BCOR: variants seen among roughly 807,000 people sequenced by gnomAD.
BCOR encodes the protein BCL6 corepressor.
BCOR carries 10 observed loss-of-function variants against 86.7 expected under a neutral mutation model. That is an observed-to-expected ratio of 0.12 (90% CI 0.07 to 0.20). BCOR has a LOEUF of 0.20. Ranked by LOEUF, BCOR falls within the 10% of genes least tolerant of loss-of-function variation. The pLI is 1.00. For synonymous variants in BCOR, 611 were observed against 609.0 expected, an observed-to-expected ratio of 1.00 and a Z score of -0.05; for missense variants, 1,259 against 1,452.1, an observed-to-expected ratio of 0.87 and a Z score of 2.16.
At chrX:40,175,013 C>A (rs1331096176) in intron 1 of BCOR, among the ~76,000 whole-genome samples, 1 of 113,368 alleles carries the variant, frequency 8.8e-6, no homozygotes, top group Non-Finnish European at 1.9e-5. Flanking sequence ...AAGGGGCAGG[C>A]GGCCCTCATG....
At position 40,071,180 on chromosome X, in the gene BCOR, G is replaced by GA. The variant is rs374448325; in HGVS notation, c.3052-22dup. On this transcript the variant is annotated intron_variant, in intron 5 of 14. Transcript: ENST00000378444. ...GCACGCTAGAAAGAGAACGGAGATG[G>GA]AAAAAAAAAAAAACAACACCTTACC... The GA allele has an allele frequency of 0.12, 78,315 of 659,806 alleles. No homozygotes were observed. Among genetic ancestry groups the GA allele is most frequent in the South Asian group, 0.13 (2,800 of 22,383 alleles). The allele number at this position is 659,806 out of a possible 1,213,427, so 54.4% of individuals were successfully genotyped here.
chrX:40,096,164 A>G (rs5963739), intron 1 of BCOR, among the ~76,000 whole-genome samples: 34,446 of 111,824 alleles, frequency 0.31, 7,476 homozygotes, highest in African/African-American at 0.78. Context: ...CTCTTCGCCT[A>G]CAGCCTCCTT....
upstream of BCOR, among the ~76,000 whole-genome samples, chrX:40,099,930 C>T (rs368766772): frequency 8.9e-5 from 10 of 112,308 alleles, no homozygotes; most frequent in South Asian, 3.6e-3. Flanking sequence ...CCAGCGCCTG[C>T]AGAATGGAAT....
Position 40,063,839 on chromosome X carries a change from T to C in BCOR, c.3616A>G (p.Lys1206Glu), listed in dbSNP as rs768749851. ...VCIELTGLHP[K>E]KQRHLLHLRE... Reference sequence around the variant, plus strand: ...AGGTGCAGCAAGTGGCGTTGTTTTTTAGGATGGAGCCCTGTTAATTCAATG... The same window carrying C: ...AGGTGCAGCAAGTGGCGTTGTTTTTCAGGATGGAGCCCTGTTAATTCAATG... Residue 1206 changes from lysine to glutamate, a missense_variant, in exon 8 of 15, where the codon AAA becomes GAA. Physicochemically the swap from Lys to Glu is moderately conservative, Grantham distance 56. Transcript: ENST00000378444. The C allele has an allele frequency of 8.3e-7, 1 of 1,212,030 alleles. No homozygotes were observed. Among genetic ancestry groups the C allele is most frequent in the East Asian group, 3.0e-5 (1 of 33,853 alleles).
chrX:40,162,157 C>T (rs916453225), intron 1 of BCOR, among the ~76,000 whole-genome samples: 1 of 112,000 alleles, frequency 8.9e-6, no homozygotes, highest in Non-Finnish European at 1.9e-5. Context: ...CCCAAGAAAC[C>T]CTTTTGACCT....
At position 40,073,434 on chromosome X, in the gene BCOR, T is replaced by C; in HGVS notation, c.1912A>G (p.Ile638Val). Residue 638 changes from isoleucine (I) to valine (V), a missense_variant, in exon 4 of 15, where the codon ATA becomes GTA. Transcript: ENST00000378444. ...AATGCCTCATTTGGAGACAGAAATA[T>C]AGAGCTTGGTGGAAGGCCGTTCTCG... Reference protein sequence around the residue: ...ANENGLPPSSIFLSPNEAFRS... With the variant: ...ANENGLPPSSVFLSPNEAFRS... 2 of 1,212,226 alleles carry C rather than the reference T, an allele frequency of 1.6e-6. No homozygotes were observed. Among genetic ancestry groups the C allele is most frequent in the East Asian group, 3.0e-5 (1 of 33,862 alleles).
chrX:40,165,946 G>T (rs757627186), intron 1 of BCOR, among the ~76,000 whole-genome samples: 1 of 111,628 alleles, frequency 9.0e-6, no homozygotes, highest in African/African-American at 3.3e-5. Flanking sequence ...CCCAGCTAGG[G>T]CACAGTATTT....
chrX:40,066,947 T>A (rs189775449), intron 6 of BCOR, among the ~76,000 whole-genome samples: 1 of 62,155 alleles, frequency 1.6e-5, no homozygotes, highest in East Asian at 1.0e-3. Context: ...CAAATCCCCA[T>A]CAGATTAAGA....
intron 1 of BCOR, among the ~76,000 whole-genome samples, chrX:40,171,359 A>T (rs1938615491): frequency 8.9e-6 from 1 of 112,157 alleles, no homozygotes; most frequent in Non-Finnish European, 1.9e-5. Flanking sequence ...GGACAATTTT[A>T]AAGTGTTTCT....
rs141346685 is a variant in BCOR at position 40,071,091 on chromosome X, G to A, written c.3120C>T (p.Asp1040=). ...CTGGGCTGAATTTGCACATCTCGGA[G>A]TCTTTGGTTGCTGGGTGGCCACCTT... The part of the protein sequence containing the change: ...EREGGHPATK[D]SEMCKFSPAD... Residue 1040 remains aspartate, a synonymous_variant, in exon 6 of 15, where the codon GAC becomes GAT. Coordinates refer to ENST00000378444, the MANE Select transcript of BCOR (RefSeq NM_001123385.2). The A allele has an allele frequency of 3.0e-5, 36 of 1,208,320 alleles. No homozygotes were observed. Among genetic ancestry groups the A allele is most frequent in the Non-Finnish European group, 3.6e-5 (32 of 894,617 alleles).
intron 10 of BCOR, among the ~76,000 whole-genome samples, chrX:40,061,778 C>A (rs1423962793): frequency 9.2e-6 from 1 of 108,683 alleles, no homozygotes; most frequent in Non-Finnish European, 1.9e-5. Context: ...AATAACTTCT[C>A]TCCCCCTTGC....
upstream of BCOR, among the ~76,000 whole-genome samples, chrX:40,102,054 G>C (rs369314180): frequency 4.2e-4 from 47 of 112,109 alleles, 1 homozygote; most frequent in East Asian, 4.8e-3. Flanking sequence ...AAACTCAAAC[G>C]AGGTAACAAA....
intron 1 of BCOR, among the ~76,000 whole-genome samples, chrX:40,110,060 G>T (rs922150134): frequency 8.9e-6 from 1 of 112,644 alleles, no homozygotes; most frequent in Non-Finnish European, 1.9e-5. Context: ...TTCATTTAAT[G>T]AATTCACCCG....
rs775587735 is a variant in BCOR at position 40,149,244 on chromosome X, C to T, written c.-41+27763G>A. On this transcript the variant is annotated intron_variant, in intron 1 of 14. Coordinates refer to the BCOR transcript ENST00000342274. ...ATGCCTTGCGTCCAACTGTGGTTTC[C>T]GGGCAATAAAACAACTATTAAAGTC... Among the ~76,000 whole-genome samples, 210 of 111,055 alleles carry T rather than the reference C, an allele frequency of 1.9e-3. 1 individual carries two copies. The highest frequency in any genetic ancestry group is 6.3e-3 in the African/African-American group (193 of 30,505).
chrX:40,143,265 C>T (rs758492485), intron 1 of BCOR, among the ~76,000 whole-genome samples: 5 of 112,062 alleles, frequency 4.5e-5, no homozygotes, highest in African/African-American at 1.6e-4. Flanking sequence ...GGTCTCCTTT[C>T]TCTCCCCTCC....
chrX:40,138,641 G>A (rs1937741384), intron 1 of BCOR, among the ~76,000 whole-genome samples: 3 of 110,281 alleles, frequency 2.7e-5, no homozygotes, highest in Non-Finnish European at 3.8e-5. Context: ...TGCAACCTCC[G>A]CCTCCCGGGT....
chrX:40,053,104 G>C (rs1220865781), intron 14 of BCOR, among the ~76,000 whole-genome samples: 1 of 111,543 alleles, frequency 9.0e-6, no homozygotes, highest in Non-Finnish European at 1.9e-5. Flanking sequence ...TCTCTCCTCA[G>C]ACCCTCACTA....
chrX:40,105,358 G>C (rs1937157049), intron 1 of BCOR, among the ~76,000 whole-genome samples: 1 of 112,021 alleles, frequency 8.9e-6, no homozygotes, highest in African/African-American at 3.2e-5. Flanking sequence ...CGCAGTCACG[G>C]GGACCGGAAG....
rs964722253 is a variant in BCOR at position 40,090,372 on chromosome X, G to A, written c.-41+6843C>T. On this transcript the variant is annotated intron_variant, in intron 1 of 14. Transcript: ENST00000378444. ...TGCAGGCCAGCCCTCTGCAAGTGGCGTTCTTTCTCTTTTTTAAACTTTCCG... is the reference window on the plus strand; with the variant it reads ...TGCAGGCCAGCCCTCTGCAAGTGGCATTCTTTCTCTTTTTTAAACTTTCCG... Among the ~76,000 whole-genome samples the A allele has an allele frequency of 4.4e-5, 5 of 113,359 alleles. No homozygotes were observed. In the Admixed American group the frequency reaches 4.6e-4, roughly 10 times the overall value.
Sources: gnomAD v4.1 joint callset for allele counts (sites outside exome capture counted in the v4.1 genomes callset) on GRCh38, gnomAD v4.1.1 for gene constraint, MANE v1.5 for transcripts, NCBI Gene and HGNC (gene_info 2026-07-23, HGNC 2026-07-21) for gene names.